ADAMTSL1: variants seen among roughly 807,000 people sequenced by gnomAD.
The protein encoded by ADAMTSL1 is ADAMTS-like protein 1.
Under a neutral mutation model 201.8 loss-of-function variants are expected in ADAMTSL1, and 126 were observed. The ratio of observed to expected loss-of-function variants is 0.62; its 90% CI spans 0.54 to 0.72. The LOEUF is 0.72. ADAMTSL1 is among the 30% of genes least tolerant of loss of function. The pLI is 0.00. For missense variants in ADAMTSL1, 2,679 were observed against 2,277.8 expected (o/e 1.18, Z -3.59); for synonymous variants, 1,121 against 903.4 (o/e 1.24, Z -4.32).
intron 1 of ADAMTSL1, among the ~76,000 whole-genome samples, chr9:17,966,249 T>C (rs926602964): frequency 1.3e-5 from 2 of 152,300 alleles, no homozygotes; most frequent in African/African-American, 2.4e-5. Flanking sequence ...TAAGTAAGTA[T>C]AGTAAGTGCT....
At chr9:18,168,710 C>T (rs1827748555) in intron 2 of ADAMTSL1, among the ~76,000 whole-genome samples, 1 of 146,144 alleles carries the variant, frequency 6.8e-6, no homozygotes, top group African/African-American at 2.5e-5. Flanking sequence ...CACTGACTTC[C>T]ACAATGGTTG....
At chr9:18,570,623 T>C (rs1215967203) in intron 3 of ADAMTSL1, among the ~76,000 whole-genome samples, 1 of 152,222 alleles carries the variant, frequency 6.6e-6, no homozygotes, top group African/African-American at 2.4e-5. Context: ...CAAGAAGCTT[T>C]CTGAACCTGT....
At chr9:18,191,295 T>C (rs1466695328) in intron 2 of ADAMTSL1, among the ~76,000 whole-genome samples, 1 of 152,164 alleles carries the variant, frequency 6.6e-6, no homozygotes, top group Non-Finnish European at 1.5e-5. Context: ...CTTCTGTTGA[T>C]GTGCTTCAGC....
intron 3 of ADAMTSL1, among the ~76,000 whole-genome samples, chr9:18,555,533 G>T (rs1443796550): frequency 1.3e-5 from 2 of 151,892 alleles, no homozygotes; most frequent in Non-Finnish European, 2.9e-5. Flanking sequence ...TTTTGTATCA[G>T]GCTTGGACGA....
intron 2 of ADAMTSL1, among the ~76,000 whole-genome samples, chr9:18,458,887 G>C (rs980021278): frequency 6.6e-6 from 1 of 152,154 alleles, no homozygotes; most frequent in Admixed American, 6.5e-5. Flanking sequence ...TTCCTTGCAT[G>C]TTCTGAGGAG....
At chr9:18,114,758 T>G (rs1825177697) in intron 1 of ADAMTSL1, among the ~76,000 whole-genome samples, 1 of 152,122 alleles carries the variant, frequency 6.6e-6, no homozygotes, top group Non-Finnish European at 1.5e-5. Context: ...GTTCTCAAGC[T>G]TAGAGTGTAA....
chr9:18,280,970 G>C (rs1307300872), intron 2 of ADAMTSL1, among the ~76,000 whole-genome samples: 1 of 148,518 alleles, frequency 6.7e-6, no homozygotes, highest in Non-Finnish European at 1.5e-5. Flanking sequence ...TGAACTCCTA[G>C]ATTCAAGTGA....
At chr9:17,913,081 C>G (rs1825954521) in intron 1 of ADAMTSL1, among the ~76,000 whole-genome samples, 1 of 152,122 alleles carries the variant, frequency 6.6e-6, no homozygotes, top group African/African-American at 2.4e-5. Context: ...CAGTACCATG[C>G]TGTTTTGGTT....
chr9:18,490,344 T>G (rs1587360034), intron 1 of ADAMTSL1, among the ~76,000 whole-genome samples: 5 of 144,938 alleles, frequency 3.4e-5, no homozygotes, highest in Admixed American at 1.4e-4. Context: ...GGAGAGGGGG[T>G]AGGTGAAGGG....
chr9:18,535,505 C>T (rs755196146), intron 3 of ADAMTSL1, among the ~76,000 whole-genome samples: 1 of 152,172 alleles, frequency 6.6e-6, no homozygotes, highest in Non-Finnish European at 1.5e-5. Flanking sequence ...ACTGTGCCAG[C>T]CTCTGCCAGT....
chr9:18,557,043 G>C (rs1483133473), intron 3 of ADAMTSL1, among the ~76,000 whole-genome samples: 1 of 151,886 alleles, frequency 6.6e-6, no homozygotes, highest in African/African-American at 2.4e-5. Flanking sequence ...GGAAGTGACA[G>C]GGTCATTAAA....
rs199821445 is a variant in ADAMTSL1, at chr9:18,108,521, TC to T, written c.88-55340del. ...AGCCGAGAATCATGATCTTAAAGGC[TC>T]TTGGAAGCCAGATCACAGAGAAGGT... On this transcript the variant is annotated intron_variant, in intron 1 of 29. Transcript: ENST00000680146. Among the ~76,000 whole-genome samples the T allele has an allele frequency of 3.6e-3, 555 of 152,130 alleles. 5 individuals are homozygous for T. The highest frequency in any genetic ancestry group is 0.012 in the African/African-American group (517 of 41,514).
At chr9:18,006,088 GAAAA>G (rs949256805) in intron 1 of ADAMTSL1, among the ~76,000 whole-genome samples, 7 of 146,452 alleles carry the variant, frequency 4.8e-5, no homozygotes, top group Admixed American at 3.4e-4. Context: ...CACCACTCGG[GAAAA>G]AAAAAAGAAA....
intron 2 of ADAMTSL1, among the ~76,000 whole-genome samples, chr9:18,242,199 G>T (rs1008912957): frequency 5.3e-5 from 8 of 152,206 alleles, no homozygotes; most frequent in African/African-American, 1.9e-4. Context: ...TGCAAGGCTG[G>T]TTTAACATAT....
intron 21 of ADAMTSL1, 176 bp from the exon 22 acceptor site, chr9:18,826,108 A>G (rs531845814): frequency 1.4e-6 from 1 of 695,362 alleles, no homozygotes; most frequent in African/African-American, 1.8e-5. Context: ...CCTGAAGTCT[A>G]TATCCTTATC....
At chr9:18,612,167 G>A (rs1426394876) in intron 4 of ADAMTSL1, among the ~76,000 whole-genome samples, 3 of 152,288 alleles carry the variant, frequency 2.0e-5, no homozygotes, top group Non-Finnish European at 4.4e-5. Flanking sequence ...ATGCCCCAAG[G>A]CAATTCTGGA....
intron 3 of ADAMTSL1, among the ~76,000 whole-genome samples, chr9:18,556,257 G>C (rs1002614991): frequency 1.3e-5 from 2 of 152,020 alleles, no homozygotes; most frequent in African/African-American, 4.8e-5. Flanking sequence ...TATGGTCTTA[G>C]CATCTGTCTT....
intron 1 of ADAMTSL1, among the ~76,000 whole-genome samples, chr9:18,092,128 T>C (rs1461911609): frequency 1.3e-5 from 2 of 152,156 alleles, no homozygotes; most frequent in Non-Finnish European, 2.9e-5. Context: ...TTGCTTGGCA[T>C]CGTCTATACT....
intron 4 of ADAMTSL1, among the ~76,000 whole-genome samples, chr9:18,613,341 G>A (rs555267837): frequency 5.9e-5 from 9 of 152,238 alleles, no homozygotes; most frequent in African/African-American, 2.2e-4. Flanking sequence ...ATACTATTTG[G>A]CCCAGTAATC....
Sources: allele counts gnomAD v4.1 joint callset (sites outside exome capture counted in the v4.1 genomes callset), GRCh38; gene constraint gnomAD v4.1.1; transcripts MANE v1.5; gene names NCBI Gene and HGNC (gene_info 2026-07-23, HGNC 2026-07-21).